The following KCNK10 variants were observed in gnomAD, a reference collection of about 807,000 sequenced individuals.
The protein encoded by KCNK10 is potassium two pore domain channel subfamily K member 10.
A neutral mutation model predicts 47.7 loss-of-function variants in KCNK10; 25 were observed. The ratio of observed to expected loss-of-function variants is 0.52; its 90% CI spans 0.38 to 0.73. The LOEUF (loss-of-function observed/expected upper bound fraction) is 0.73, where lower values mean the gene tolerates loss of function less well. KCNK10 is among the 30% of genes least tolerant of loss of function. The pLI is 0.00. For synonymous variants in KCNK10, 303 were observed against 285.6 expected (o/e 1.06, Z -0.61); for missense variants, 563 against 714.5 (o/e 0.79, Z 2.42).
chr14:88,244,333 G>A (rs17124340), intron 2 of KCNK10, among the ~76,000 whole-genome samples: 7,258 of 152,084 alleles, frequency 0.048, 491 homozygotes, highest in East Asian at 0.25. Context: ...TTAATTGTTT[G>A]AGCTCAAGTA....
At chr14:88,296,498 G>A (rs1346389358) in intron 1 of KCNK10, among the ~76,000 whole-genome samples, 1 of 111,340 alleles carries the variant, frequency 9.0e-6, no homozygotes, top group Non-Finnish European at 2.1e-5. Flanking sequence ...TATACACACC[G>A]AGCCTAATCT....
chr14:88,200,826 G>A (rs531785863), intron 4 of KCNK10, among the ~76,000 whole-genome samples: 1 of 152,290 alleles, frequency 6.6e-6, no homozygotes, highest in East Asian at 1.9e-4. Context: ...GTTGAGACAA[G>A]CATTAAACAG....
chr14:88,250,792 G>A lies in KCNK10; in HGVS notation c.403-9972C>T, dbSNP rs867942874. ...TGTAGTCCCAGCTTCTCAGGAGGCT[G>A]AGACAGAAAAATCACTTGAATACAG... On this transcript the variant is annotated intron_variant, in intron 2 of 6. Transcript: ENST00000319231. Among the ~76,000 whole-genome samples the A allele has an allele frequency of 1.2e-4, 18 of 152,308 alleles. No homozygotes were observed. The Middle Eastern group carries it at 0.01, about 86-fold the overall frequency.
intron 1 of KCNK10, among the ~76,000 whole-genome samples, chr14:88,319,885 T>G (rs1158049648): frequency 6.6e-6 from 1 of 152,240 alleles, no homozygotes; most frequent in Non-Finnish European, 1.5e-5. Context: ...CTCAGTTAAC[T>G]CATCTGTAAA....
Position 88,281,830 on chromosome 14 carries a change from T to TTGTGTGTG in KCNK10, c.53-18287_53-18280dup, listed in dbSNP as rs10541411. ...AGATATATATATACACAAGATACAT[T>TTGTGTGTG]TGTGTGTGTGTGTGTGTGTGTGTGT... is the stretch of plus-strand genomic sequence containing the variant. On this transcript the variant is annotated intron_variant, in intron 1 of 6. Transcript: ENST00000319231. Among the ~76,000 whole-genome samples, 61 of 148,436 alleles carry TTGTGTGTG rather than the reference T, an allele frequency of 4.1e-4. No homozygotes were observed. In the East Asian group the frequency reaches 6.3e-3, roughly 15 times the overall value.
chr14:88,273,895 T>C (rs1176635380), intron 1 of KCNK10, among the ~76,000 whole-genome samples: 2 of 152,210 alleles, frequency 1.3e-5, no homozygotes, highest in Non-Finnish European at 2.9e-5. Flanking sequence ...TTAAAAGTAA[T>C]ACAAGCAGTC....
At chr14:88,287,992 C>T (rs1344955636) in intron 1 of KCNK10, among the ~76,000 whole-genome samples, 1 of 152,060 alleles carries the variant, frequency 6.6e-6, no homozygotes, top group East Asian at 1.9e-4. Context: ...CACCACATCC[C>T]CGCCAACATC....
rs557314361 is a variant in KCNK10 at position 88,261,680 on chromosome 14, C to T, written c.402+1522G>A. On this transcript the variant is annotated intron_variant, in intron 2 of 6. Transcript: ENST00000319231. ...GAGGCAGAAGGATCAGCTGATACCTCGATCAGGAAGTTGAACCTGCAATGA... is the reference window on the plus strand; with the variant it reads ...GAGGCAGAAGGATCAGCTGATACCTTGATCAGGAAGTTGAACCTGCAATGA... Among the ~76,000 whole-genome samples the T allele has an allele frequency of 1.3e-4, 20 of 151,664 alleles. 1 individual carries two copies. The highest frequency in any genetic ancestry group is 7.9e-4 in the Admixed American group (12 of 15,208).
At chr14:88,199,355 C>A (rs1028580485) in intron 4 of KCNK10, among the ~76,000 whole-genome samples, 3 of 152,072 alleles carry the variant, frequency 2.0e-5, no homozygotes, top group Non-Finnish European at 4.4e-5. Flanking sequence ...AATGTTCACC[C>A]GGAAGGAAGA....
At chr14:88,316,491 C>G (rs995446422) in intron 1 of KCNK10, among the ~76,000 whole-genome samples, 1 of 152,108 alleles carries the variant, frequency 6.6e-6, no homozygotes, top group Non-Finnish European at 1.5e-5. Flanking sequence ...GTGGAAGGTC[C>G]CTTTGACCTC....
chr14:88,207,082 A>G (rs1199347130), intron 4 of KCNK10, among the ~76,000 whole-genome samples: 1 of 152,128 alleles, frequency 6.6e-6, no homozygotes, highest in Non-Finnish European at 1.5e-5. Context: ...TTTATTCAAA[A>G]TAATTGTACT....
chr14:88,302,414 A>G (rs184990680), intron 1 of KCNK10, among the ~76,000 whole-genome samples: 14 of 152,330 alleles, frequency 9.2e-5, no homozygotes, highest in African/African-American at 2.4e-4. Flanking sequence ...AAAAGTTAAA[A>G]GAAAACCCAG....
intron 1 of KCNK10, among the ~76,000 whole-genome samples, chr14:88,271,992 G>C (rs1261834874): frequency 1.3e-5 from 2 of 150,826 alleles, no homozygotes; most frequent in African/African-American, 2.4e-5. Flanking sequence ...AGGTTATCAG[G>C]GTTAGAGGAA....
chr14:88,222,721 T>C (rs1423866732), intron 4 of KCNK10, among the ~76,000 whole-genome samples: 2 of 152,194 alleles, frequency 1.3e-5, no homozygotes, highest in African/African-American at 4.8e-5. Flanking sequence ...TAAAAAAAGA[T>C]AAATTTTAAG....
intron 4 of KCNK10, among the ~76,000 whole-genome samples, chr14:88,220,795 A>G (rs1885784366): frequency 6.6e-6 from 1 of 152,096 alleles, no homozygotes; most frequent in South Asian, 2.1e-4. Context: ...CATGACCTTG[A>G]GTATGCCAAT....
chr14:88,248,172 A>G (rs1230693173), intron 2 of KCNK10, among the ~76,000 whole-genome samples: 2 of 152,208 alleles, frequency 1.3e-5, no homozygotes, highest in Non-Finnish European at 2.9e-5. Flanking sequence ...CCCATTAAAA[A>G]TGGGTCTATC....
At chr14:88,261,853 C>G (rs571344326) in intron 2 of KCNK10, among the ~76,000 whole-genome samples, 1 of 151,682 alleles carries the variant, frequency 6.6e-6, no homozygotes, top group Admixed American at 6.6e-5. Context: ...GGATTTTTAA[C>G]ATTTTATTTT....
intron 3 of KCNK10, among the ~76,000 whole-genome samples, chr14:88,236,316 C>A (rs1398060002): frequency 6.8e-6 from 1 of 146,016 alleles, no homozygotes; most frequent in African/African-American, 2.5e-5. Context: ...GACCCAGTCT[C>A]AAAAAAAAAA....
chr14:88,285,264 A>T (rs1266856842), intron 1 of KCNK10, among the ~76,000 whole-genome samples: 1 of 151,942 alleles, frequency 6.6e-6, no homozygotes, highest in Non-Finnish European at 1.5e-5. Flanking sequence ...GGCGCGCACC[A>T]CCATGCCTGG....
Sources: allele counts gnomAD v4.1 joint callset (sites outside exome capture counted in the v4.1 genomes callset), GRCh38; gene constraint gnomAD v4.1.1; transcripts MANE v1.5; gene names NCBI Gene and HGNC (gene_info 2026-07-23, HGNC 2026-07-21).